MYOM1: variants seen among roughly 807,000 people sequenced by gnomAD.
MYOM1 encodes myomesin-1.
MYOM1 carries 164 observed loss-of-function variants against 205.3 expected under a neutral mutation model. That is an observed-to-expected ratio of 0.80 (90% confidence interval 0.70 to 0.91). MYOM1 has a LOEUF of 0.91. Among genes scored for constraint, MYOM1 ranks in the 40% least tolerant of loss-of-function variants. The pLI, the probability that MYOM1 is intolerant of heterozygous loss-of-function variation, is 0.00. For synonymous variants in MYOM1, 772 were observed against 789.4 expected (o/e 0.98, Z 0.37); for missense variants, 2,011 against 2,127.3 (o/e 0.95, Z 1.08).
chr18:3,137,193 C>T (rs1304805521), intron 14 of MYOM1, among the ~76,000 whole-genome samples: 1 of 152,150 alleles, frequency 6.6e-6, no homozygotes, highest in Non-Finnish European at 1.5e-5. Flanking sequence ...TCGTGATCCG[C>T]CCACCTCAGC....
intron 20 of MYOM1, 149 bp downstream of exon 20, chr18:3,119,720 A>G: frequency 2.0e-6 from 2 of 994,880 alleles, no homozygotes; most frequent in East Asian, 2.8e-5. Flanking sequence ...TAATATTATC[A>G]TTAAAATATT....
rs749039859 is a variant in MYOM1 at position 3,090,714 on chromosome 18, A to G, written c.3953T>C (p.Phe1318Ser). ...LQDEDEGTYT[F>S]QLQDGKATNH... is the part of the protein sequence containing the mutation. ...AGTTGCTTTTCCATCTTGAAGCTGG[A>G]AAGTGTACGTTCCCTCATCCTCATC... Residue 1318 changes from phenylalanine (F) to serine (S), a missense_variant, in exon 27 of 38, where the codon TTC becomes TCC. By Grantham distance (155) the Phe-to-Ser change is radical. Coordinates refer to ENST00000356443, the MANE Select transcript of MYOM1 (RefSeq NM_003803.4). 3 of 1,613,996 alleles carry G rather than the reference A, an allele frequency of 1.9e-6. No homozygotes were observed. The South Asian group carries it at 3.3e-5, about 18-fold the overall frequency.
At chr18:3,082,805 T>C (rs561615277) in intron 33 of MYOM1, among the ~76,000 whole-genome samples, 1 of 152,164 alleles carries the variant, frequency 6.6e-6, no homozygotes, top group East Asian at 1.9e-4. Flanking sequence ...TTGAATAGAG[T>C]CCCTGTATAA....
intron 6 of MYOM1, 44 bp from the exon 7 acceptor site, chr18:3,174,252 C>A: frequency 6.6e-7 from 1 of 1,514,304 alleles, no homozygotes; most frequent in South Asian, 1.1e-5. Flanking sequence ...AGTGACAATC[C>A]TTGTAATTAC....
At position 3,187,942 on chromosome 18, in the gene MYOM1, G is replaced by T. The variant is rs372972767; in HGVS notation, c.772-305C>A. Among the ~76,000 whole-genome samples the T allele has an allele frequency of 1.9e-3, 278 of 146,236 alleles. 1 individual carries two copies. Among genetic ancestry groups the T allele is most frequent in the Middle Eastern group, 7.1e-3 (2 of 282 alleles). On this transcript the variant is annotated intron_variant, in intron 4 of 37. Transcript: ENST00000356443. Reference sequence around the variant, plus strand: ...CAGCCTCTGCCTCCCAGGTTCATGCGATTCTTGTGCCTCAGCCTCCCGAGT... The same window carrying T: ...CAGCCTCTGCCTCCCAGGTTCATGCTATTCTTGTGCCTCAGCCTCCCGAGT...
chr18:3,192,234 A>T (rs2080920991), intron 3 of MYOM1, among the ~76,000 whole-genome samples: 1 of 152,202 alleles, frequency 6.6e-6, no homozygotes, highest in Non-Finnish European at 1.5e-5. Flanking sequence ...TTACCGCTCT[A>T]GCCTACCATC....
chr18:3,169,011 T>C (rs773764528), intron 8 of MYOM1, 30 bp from the exon 9 acceptor site: 3 of 1,581,944 alleles, frequency 1.9e-6, no homozygotes, highest in Non-Finnish European at 1.7e-6. Context: ...ATATCAGTAA[T>C]TTTTTTCTTC....
intron 5 of MYOM1, among the ~76,000 whole-genome samples, chr18:3,183,674 G>A (rs1295592393): frequency 6.6e-6 from 1 of 152,152 alleles, no homozygotes. Flanking sequence ...TGATATTCAG[G>A]AAGGGCATTC....
intron 25 of MYOM1, among the ~76,000 whole-genome samples, chr18:3,094,679 T>G (rs1598664079): frequency 6.6e-6 from 1 of 151,758 alleles, no homozygotes; most frequent in East Asian, 1.9e-4. Flanking sequence ...TTTTTTTTTT[T>G]GCAATAGGTT....
chr18:3,192,673 C>T (rs8091914), intron 3 of MYOM1, among the ~76,000 whole-genome samples: 82,208 of 152,018 alleles, frequency 0.54, 23,437 homozygotes, highest in African/African-American at 0.74. Context: ...AACCAGAAAG[C>T]TCCTGTTGAG....
At chr18:3,153,050 G>C (rs972820139) in intron 11 of MYOM1, among the ~76,000 whole-genome samples, 6 of 152,110 alleles carry the variant, frequency 3.9e-5, no homozygotes, top group Admixed American at 2.0e-4. Flanking sequence ...AAGCTGATAG[G>C]GCCAGGACAA....
At chr18:3,077,800 CCT>C (rs796259722) in intron 34 of MYOM1, among the ~76,000 whole-genome samples, 22 of 152,272 alleles carry the variant, frequency 1.4e-4, no homozygotes, top group African/African-American at 2.9e-4. Context: ...GAATGAATCC[CCT>C]GTCACTGTGC....
At position 3,147,893 on chromosome 18, in the gene MYOM1, C is replaced by T. The variant is rs548763255; in HGVS notation, c.1900+1252G>A. On this transcript the variant is annotated intron_variant, in intron 13 of 37. Coordinates refer to ENST00000356443, the MANE Select transcript of MYOM1 (RefSeq NM_003803.4). ...ACAGAGTGAAAAGTAAAAACTAATG[C>T]TATAACATTTCCAGGGGGAAAAAAA... is the stretch of plus-strand genomic sequence containing the variant. Among the ~76,000 whole-genome samples, 13 of 152,162 alleles carry T rather than the reference C, an allele frequency of 8.5e-5. No individual in the cohort carries two copies. In the South Asian group the frequency reaches 2.5e-3, roughly 29 times the overall value.
chr18:3,237,709 C>T, the MYOM1 span, among the ~76,000 whole-genome samples: 1 of 150,594 alleles, frequency 6.6e-6, no homozygotes, highest in Non-Finnish European at 1.5e-5. Flanking sequence ...AAGACAAATA[C>T]TCTTATGATT....
chr18:3,174,299 C>T, intron 6 of MYOM1, 91 bp from the exon 7 acceptor site: 2 of 1,106,744 alleles, frequency 1.8e-6, no homozygotes, highest in Non-Finnish European at 2.7e-6. Context: ...CTATCACAGC[C>T]CCCTGCAAAT....
intron 18 of MYOM1, among the ~76,000 whole-genome samples, chr18:3,127,305 A>ATATAT (rs56880961): frequency 0.047 from 2,239 of 47,618 alleles, 116 homozygotes; most frequent in Middle Eastern, 0.11. Context: ...ATATATATAT[A>ATATAT]TTTTTTTTTT....
At chr18:3,084,922 A>T in intron 31 of MYOM1, 123 bp downstream of exon 31, 4 of 704,940 alleles carry the variant, frequency 5.7e-6, no homozygotes, top group African/African-American at 1.8e-5. Flanking sequence ...AATTTCAATT[A>T]AGCCAAAATC....
intron 22 of MYOM1, among the ~76,000 whole-genome samples, chr18:3,110,415 C>T (rs1043116220): frequency 9.2e-5 from 14 of 152,192 alleles, no homozygotes; most frequent in South Asian, 6.2e-4. Flanking sequence ...TCTTCCCCAG[C>T]TCACCCATCA....
intron 1 of MYOM1, among the ~76,000 whole-genome samples, chr18:3,216,134 G>T (rs901697489): frequency 2.0e-5 from 3 of 152,036 alleles, no homozygotes; most frequent in African/African-American, 7.2e-5. Context: ...CTGGCATGGT[G>T]GTGGGCACCT....
Sources: allele counts gnomAD v4.1 joint callset (sites outside exome capture counted in the v4.1 genomes callset), GRCh38; gene constraint gnomAD v4.1.1; transcripts MANE v1.5; gene names NCBI Gene and HGNC (gene_info 2026-07-23, HGNC 2026-07-21).